The following KHDRBS2 variants were observed in gnomAD, a reference collection of about 807,000 sequenced individuals.
The protein encoded by KHDRBS2 is KH domain-containing, RNA-binding, signal transduction-associated protein 2.
A neutral mutation model predicts 44.3 loss-of-function variants in KHDRBS2; 26 were observed. The observed-to-expected ratio is 0.59, with a 90% CI of 0.43 to 0.81. KHDRBS2 has a LOEUF of 0.81. Ranked by LOEUF, KHDRBS2 falls within the 40% of genes least tolerant of loss-of-function variation. The pLI, the probability that KHDRBS2 is intolerant of heterozygous loss-of-function variation, is 0.00. For missense variants in KHDRBS2, 476 were observed against 433.1 expected (o/e 1.10, Z -0.88); for synonymous variants, 194 against 151.1 (o/e 1.28, Z -2.08).
chr6:62,246,109 T>TATA (rs1491082659), intron 1 of KHDRBS2, among the ~76,000 whole-genome samples: 1 of 90,854 alleles, frequency 1.1e-5, no homozygotes, highest in African/African-American at 6.2e-5. Flanking sequence ...ATTTTATATA[T>TATA]ATATATATAT....
intron 6 of KHDRBS2, among the ~76,000 whole-genome samples, chr6:61,821,070 A>T (rs929230512): frequency 1.3e-5 from 2 of 151,982 alleles, no homozygotes; most frequent in African/African-American, 4.8e-5. Flanking sequence ...CTGTTTGTCT[A>T]TTATTTTTTC....
intron 6 of KHDRBS2, among the ~76,000 whole-genome samples, chr6:61,763,034 C>G (rs986213101): frequency 7.9e-5 from 12 of 152,156 alleles, no homozygotes; most frequent in Admixed American, 2.0e-4. Context: ...TCTATTCTGT[C>G]TATTCTTCAA....
intron 2 of KHDRBS2, among the ~76,000 whole-genome samples, chr6:62,107,705 T>C (rs1411919638): frequency 6.6e-6 from 1 of 152,156 alleles, no homozygotes; most frequent in Non-Finnish European, 1.5e-5. Flanking sequence ...ACTACAAGGC[T>C]ACAATAACCA....
At chr6:61,770,419 A>G (rs1440276730) in intron 6 of KHDRBS2, among the ~76,000 whole-genome samples, 1 of 152,176 alleles carries the variant, frequency 6.6e-6, no homozygotes, top group Non-Finnish European at 1.5e-5. Flanking sequence ...ACCAACGGCA[A>G]AGAAGTTAAA....
chr6:61,987,128 G>A lies in KHDRBS2; in HGVS notation c.337-8916C>T, dbSNP rs553740791. The stretch of plus-strand genomic sequence containing the variant: ...TTCCAGCTTTTCCACTTAATACTGT[G>A]TAAACTTGGGCAAGTGACTCCACTA... On this transcript the variant is annotated intron_variant, in intron 3 of 8. Transcript: ENST00000281156. 2.6e-4 allele frequency among the ~76,000 whole-genome samples: 40 copies of A among 152,260 alleles called. No individual in the cohort carries two copies. The South Asian group carries it at 8.1e-3, about 31-fold the overall frequency.
intron 6 of KHDRBS2, among the ~76,000 whole-genome samples, chr6:61,819,554 A>G (rs1348402614): frequency 1.3e-5 from 2 of 151,924 alleles, no homozygotes; most frequent in African/African-American, 4.8e-5. Flanking sequence ...TGTTTTATTG[A>G]TTAGTAACTG....
chr6:61,919,639 G>A (rs1280368063), intron 4 of KHDRBS2, among the ~76,000 whole-genome samples: 1 of 151,434 alleles, frequency 6.6e-6, no homozygotes, highest in Non-Finnish European at 1.5e-5. Flanking sequence ...CCTTCTAACA[G>A]GTATTATTTT....
chr6:62,194,179 T>C (rs1256622149), intron 1 of KHDRBS2, among the ~76,000 whole-genome samples: 1 of 152,152 alleles, frequency 6.6e-6, no homozygotes, highest in Non-Finnish European at 1.5e-5. Context: ...TCTATGTTTT[T>C]TTCCAGGAGT....
chr6:62,271,248 T>A (rs905859433), intron 1 of KHDRBS2, among the ~76,000 whole-genome samples: 1 of 152,096 alleles, frequency 6.6e-6, no homozygotes, highest in Admixed American at 6.6e-5. Context: ...AACATCGTGG[T>A]CCCACAGGAT....
chr6:62,147,351 T>A (rs1423890355), intron 2 of KHDRBS2, among the ~76,000 whole-genome samples: 4 of 151,936 alleles, frequency 2.6e-5, no homozygotes, highest in African/African-American at 9.7e-5. Flanking sequence ...AATAGCAATA[T>A]GTTTAGTGAG....
At chr6:62,101,755 T>C (rs538513282) in intron 2 of KHDRBS2, among the ~76,000 whole-genome samples, 19 of 152,310 alleles carry the variant, frequency 1.2e-4, no homozygotes, top group African/African-American at 4.1e-4. Context: ...TGGAGATAGA[T>C]ATAGGAATGT....
intron 2 of KHDRBS2, among the ~76,000 whole-genome samples, chr6:62,154,427 T>C (rs1374996585): frequency 6.6e-6 from 1 of 152,202 alleles, no homozygotes; most frequent in East Asian, 1.9e-4. Flanking sequence ...TCTAGTCAGA[T>C]TACTTCTTGA....
chr6:61,588,424 G>A, the KHDRBS2 span, among the ~76,000 whole-genome samples: 1 of 152,082 alleles, frequency 6.6e-6, no homozygotes, highest in Non-Finnish European at 1.5e-5. Flanking sequence ...TATGATTATT[G>A]TTGCATTGCC....
At chr6:61,833,662 T>C (rs1792188184) in intron 6 of KHDRBS2, among the ~76,000 whole-genome samples, 1 of 152,132 alleles carries the variant, frequency 6.6e-6, no homozygotes, top group South Asian at 2.1e-4. Context: ...AGACAGGCTT[T>C]AATGACTTGA....
intron 6 of KHDRBS2, among the ~76,000 whole-genome samples, chr6:61,764,875 T>C (rs1779771125): frequency 6.6e-6 from 1 of 152,172 alleles, no homozygotes; most frequent in Non-Finnish European, 1.5e-5. Context: ...TAGAAGCTGA[T>C]AAAGACTATC....
At chr6:61,853,290 T>G (rs746108777) in intron 6 of KHDRBS2, among the ~76,000 whole-genome samples, 1 of 152,184 alleles carries the variant, frequency 6.6e-6, no homozygotes, top group Non-Finnish European at 1.5e-5. Context: ...AGGCTATTTT[T>G]ATTTCCCTAT....
chr6:61,998,051 T>G (rs572930569), intron 3 of KHDRBS2, among the ~76,000 whole-genome samples: 4 of 152,308 alleles, frequency 2.6e-5, no homozygotes, highest in Admixed American at 2.6e-4. Context: ...ACCTGAATTA[T>G]AGGTATAAAT....
At chr6:62,142,980 ACTGGAAAACATAGGT>A (rs1813175285) in intron 2 of KHDRBS2, among the ~76,000 whole-genome samples, 3 of 151,816 alleles carry the variant, frequency 2.0e-5, no homozygotes, top group African/African-American at 4.8e-5. Context: ...TATCATATAT[ACTGGAAAACATAGGT>A]TTTAAGTTTG....
chr6:61,717,056 G>A (rs183333028), intron 7 of KHDRBS2, among the ~76,000 whole-genome samples: 150 of 152,042 alleles, frequency 9.9e-4, no homozygotes, highest in Admixed American at 3.2e-3. Flanking sequence ...ACTTCCTTAG[G>A]TTTTCTTGAG....
Sources: gnomAD v4.1 joint callset for allele counts (sites outside exome capture counted in the v4.1 genomes callset) on GRCh38, gnomAD v4.1.1 for gene constraint, MANE v1.5 for transcripts, NCBI Gene and HGNC (gene_info 2026-07-23, HGNC 2026-07-21) for gene names.